The following MYCBP2 variants were observed in gnomAD, a reference collection of about 807,000 sequenced individuals.
MYCBP2 encodes E3 ubiquitin-protein ligase MYCBP2.
In MYCBP2, 120 loss-of-function variants were observed where a neutral mutation model predicts 525.3. That is an observed-to-expected ratio of 0.23 (90% CI 0.20 to 0.27). The LOEUF is 0.27. MYCBP2 is among the 10% of genes least tolerant of loss of function. The pLI is 1.00. For missense variants in MYCBP2, 4,149 were observed against 5,657.1 expected (o/e 0.73, Z 8.55); for synonymous variants, 1,894 against 1,955.8 (o/e 0.97, Z 0.83).
At chr13:77,187,190 T>TA (rs2060809161) in intron 30 of MYCBP2, among the ~76,000 whole-genome samples, 1 of 152,108 alleles carries the variant, frequency 6.6e-6, no homozygotes, top group South Asian at 2.1e-4. Flanking sequence ...CAAAACCACT[T>TA]AAACATAAAT....
At position 77,066,010 on chromosome 13, in the gene MYCBP2, A is replaced by G; in HGVS notation, c.12534T>C (p.Leu4178=). The change falls in exon 72 of 83, where the codon CTT becomes CTC. Residue 4178 remains leucine, a synonymous_variant. Coordinates refer to ENST00000544440, the MANE Select transcript of MYCBP2 (RefSeq NM_015057.5). ...PTQISEIIIK[L]IKDMAAGHLS... The stretch of plus-strand genomic sequence containing the variant: ...AACTTACTGCTGCCATATCCTTGAT[A>G]AGTTTAATGATGATCTCTGAGATCT... The G allele has an allele frequency of 6.2e-7, 1 of 1,611,902 alleles. No individual in the cohort carries two copies. The highest frequency in any genetic ancestry group is 8.5e-7 in the Non-Finnish European group (1 of 1,178,728).
chr13:77,261,345 C>G lies in MYCBP2; in HGVS notation c.1678G>C (p.Gly560Arg). 6.2e-7 allele frequency: 1 copy of G among 1,610,306 alleles called. No individual in the cohort carries two copies. The highest frequency in any genetic ancestry group is 8.5e-7 in the Non-Finnish European group (1 of 1,179,050). The change falls in exon 12 of 83, where the codon GGA (glycine) becomes CGA (arginine). Residue 560 changes from glycine (G) to arginine (R), a missense_variant. This residue lies in a region of MYCBP2 where 262 missense variants were observed against 419.3 expected (regional missense o/e 0.62). Transcript: ENST00000544440. ...GCTGAAGGACCACCTTGTTTGATTC[C>G]AAGACTCTGGTATTTGCCAGTGTAA... is the stretch of plus-strand genomic sequence containing the variant. ...IYYTGKYQSL[G>R]IKQGGPSAGK...
chr13:77,269,769 C>T (rs1036146666), intron 7 of MYCBP2, among the ~76,000 whole-genome samples: 1 of 152,196 alleles, frequency 6.6e-6, no homozygotes, highest in Non-Finnish European at 1.5e-5. Flanking sequence ...ACTGAGTTGT[C>T]CAGTCATACA....
chr13:77,061,535 C>T (rs2039297805), intron 75 of MYCBP2, 127 bp downstream of exon 75: 2 of 1,116,684 alleles, frequency 1.8e-6, no homozygotes, highest in Non-Finnish European at 2.5e-6. Flanking sequence ...AGCGAGACAG[C>T]TGTGAACTCA....
At position 77,045,337 on chromosome 13, in the gene MYCBP2, G is replaced by T; in HGVS notation, c.*41C>A. 1 of 1,463,608 alleles carries T rather than the reference G, an allele frequency of 6.8e-7. No homozygotes were observed. The highest frequency in any genetic ancestry group is 9.6e-7 in the Non-Finnish European group (1 of 1,046,302). 90.7% of individuals were successfully genotyped at this position (1,463,608 alleles called of 1,614,324 possible). A position where few individuals can be genotyped will look rare whatever the true frequency, so the allele number is the denominator to read the frequency against. ...ACTTCACCGCATCCTCTTGGGGGAT[G>T]AAGGCAATTTTTCTCTCTGTAGACA... is the stretch of plus-strand genomic sequence containing the variant. On this transcript the variant is annotated 3_prime_UTR_variant, in exon 83 of 83. Coordinates refer to ENST00000544440, the MANE Select transcript of MYCBP2 (RefSeq NM_015057.5).
intron 13 of MYCBP2, among the ~76,000 whole-genome samples, chr13:77,258,196 A>C (rs2072582831): frequency 6.6e-6 from 1 of 152,230 alleles, no homozygotes; most frequent in South Asian, 2.1e-4. Flanking sequence ...GACCTGCCTC[A>C]GCAAAACAAA....
chr13:77,239,867 C>G (rs1443988536), intron 17 of MYCBP2, among the ~76,000 whole-genome samples: 4 of 152,136 alleles, frequency 2.6e-5, no homozygotes, highest in African/African-American at 9.7e-5. Flanking sequence ...GTATGGATGC[C>G]TTAAACCTAA....
intron 46 of MYCBP2, among the ~76,000 whole-genome samples, chr13:77,153,965 T>C (rs1160247725): frequency 6.6e-6 from 1 of 152,190 alleles, no homozygotes; most frequent in African/African-American, 2.4e-5. Flanking sequence ...AGTAAAAAAT[T>C]ATAACAATAA....
At chr13:77,287,900 C>G (rs1279928403) in intron 3 of MYCBP2, among the ~76,000 whole-genome samples, 1 of 152,080 alleles carries the variant, frequency 6.6e-6, no homozygotes, top group Non-Finnish European at 1.5e-5. Flanking sequence ...TTTTTAATTG[C>G]CCCTATAACA....
intron 12 of MYCBP2, 62 bp downstream of exon 12, chr13:77,261,107 GTT>G: frequency 7.5e-7 from 1 of 1,328,634 alleles, no homozygotes; most frequent in South Asian, 1.4e-5. Flanking sequence ...TCTTAATAAA[GTT>G]TTATTTTTAC....
chr13:77,066,551 A>T (rs1473599783), intron 71 of MYCBP2, among the ~76,000 whole-genome samples: 1 of 152,200 alleles, frequency 6.6e-6, no homozygotes, highest in Non-Finnish European at 1.5e-5. Context: ...CACTGTTCAG[A>T]TGTCTCTAAT....
At chr13:77,303,577 T>C (rs1253517787) in intron 1 of MYCBP2, among the ~76,000 whole-genome samples, 1 of 151,542 alleles carries the variant, frequency 6.6e-6, no homozygotes, top group African/African-American at 2.4e-5. Context: ...ACTAAGAAAT[T>C]CCCAAATGTT....
Position 77,097,723 on chromosome 13 carries a change from A to G in MYCBP2, c.9431T>C (p.Met3144Thr). ...AGACTTCATTGTGTTATGCATGGAC[A>G]TTTCAAAAGTGGTCTCGGTTTTCCC... ...EDGKTETTFE[M>T]SMHNTMKSKS... is the part of the protein sequence containing the mutation. Residue 3144 changes from methionine to threonine, a missense_variant, in exon 56 of 83, where the codon ATG (methionine) becomes ACG (threonine). Physicochemically the swap from Met to Thr is moderately conservative, Grantham distance 81. Around this residue, in one of 21 missense-constraint regions of MYCBP2, gnomAD observed 653 missense variants for 744.7 expected, o/e 0.88. Transcript: ENST00000544440. The G allele has an allele frequency of 1.9e-6, 3 of 1,613,640 alleles. No homozygotes were observed. Among genetic ancestry groups the G allele is most frequent in the Non-Finnish European group, 2.5e-6 (3 of 1,179,790 alleles).
At chr13:77,324,239 A>G (rs2082030938) in intron 1 of MYCBP2, among the ~76,000 whole-genome samples, 1 of 152,206 alleles carries the variant, frequency 6.6e-6, no homozygotes, top group Non-Finnish European at 1.5e-5. Context: ...CACAGAGGCT[A>G]CTGTTTCATG....
chr13:77,252,254 C>A (rs2071339023), intron 14 of MYCBP2, among the ~76,000 whole-genome samples: 1 of 152,130 alleles, frequency 6.6e-6, no homozygotes, highest in Non-Finnish European at 1.5e-5. Context: ...GTGGCCCATA[C>A]AAATCTTTGT....
At chr13:77,227,890 T>C (rs2066524656) in intron 18 of MYCBP2, among the ~76,000 whole-genome samples, 1 of 152,048 alleles carries the variant, frequency 6.6e-6, no homozygotes, top group Non-Finnish European at 1.5e-5. Flanking sequence ...CAGCTGTTAT[T>C]TAGAGGTCAA....
intron 21 of MYCBP2, 121 bp from the exon 22 acceptor site, chr13:77,212,281 T>C (rs1298651363): frequency 3.8e-6 from 3 of 780,894 alleles, no homozygotes; most frequent in Non-Finnish European, 3.8e-6. Context: ...CAATTGTTAG[T>C]TTGGGTTTTT....
chr13:77,071,700 A>C (rs1056954181), intron 68 of MYCBP2, among the ~76,000 whole-genome samples: 2 of 152,210 alleles, frequency 1.3e-5, no homozygotes, highest in Non-Finnish European at 2.9e-5. Flanking sequence ...GCTCTTAAAG[A>C]CTTGAATATT....
intron 80 of MYCBP2, among the ~76,000 whole-genome samples, chr13:77,054,359 G>A (rs773132998): frequency 1.3e-5 from 2 of 152,260 alleles, no homozygotes; most frequent in South Asian, 2.1e-4. Flanking sequence ...CTGGGCTACC[G>A]TATTATAAGT....
Sources: gnomAD v4.1 joint callset for allele counts (sites outside exome capture counted in the v4.1 genomes callset) on GRCh38, gnomAD v4.1.1 for gene constraint, gnomAD v4.1.1 regional missense constraint, MANE v1.5 for transcripts, NCBI Gene and HGNC (gene_info 2026-07-23, HGNC 2026-07-21) for gene names.